Variants in PPP2R2B observed in about 807,000 individuals in gnomAD.
The protein encoded by PPP2R2B is serine/threonine-protein phosphatase 2A 55 kDa regulatory subunit B beta isoform.
PPP2R2B carries 5 observed loss-of-function variants against 46.0 expected under a neutral mutation model. The observed-to-expected ratio is 0.11, with a 90% CI of 0.06 to 0.23. PPP2R2B has a LOEUF of 0.23. Ranked by LOEUF, PPP2R2B falls within the 10% of genes least tolerant of loss-of-function variation. The pLI is 1.00. For synonymous variants in PPP2R2B, 215 were observed against 206.7 expected (o/e 1.04, Z -0.34); for missense variants, 367 against 575.0 (o/e 0.64, Z 3.70).
At chr5:146,954,128 C>CTTT (rs3062371) in intron 1 of PPP2R2B, among the ~76,000 whole-genome samples, 1 of 144,048 alleles carries the variant, frequency 6.9e-6, no homozygotes, top group African/African-American at 2.6e-5. Context: ...TACCAAGAGA[C>CTTT]TTTTTTTTTT....
At chr5:147,049,116 G>GTT (rs1554088781) in intron 1 of PPP2R2B, among the ~76,000 whole-genome samples, 1 of 151,024 alleles carries the variant, frequency 6.6e-6, no homozygotes, top group Non-Finnish European at 1.5e-5. Flanking sequence ...GTGTGTGTGT[G>GTT]TGTGTGTGAG....
At chr5:146,656,272 G>A (rs977896240) in intron 5 of PPP2R2B, 1 of 152,542 alleles carries the variant, frequency 6.6e-6, no homozygotes, top group African/African-American at 2.4e-5. Context: ...AAGTGAGAGG[G>A]GGAGCCATGC....
chr5:146,990,047 A>G (rs180915046), intron 1 of PPP2R2B, among the ~76,000 whole-genome samples: 51 of 150,950 alleles, frequency 3.4e-4, no homozygotes, highest in African/African-American at 1.2e-3. Context: ...TATCTCTACA[A>G]TTAAAACCAT....
intron 1 of PPP2R2B, among the ~76,000 whole-genome samples, chr5:147,019,083 C>T (rs971843750): frequency 1.8e-4 from 27 of 152,260 alleles, no homozygotes; most frequent in African/African-American, 4.8e-4. Context: ...CGAAGTGTTT[C>T]ATTTGCAAAA....
At chr5:146,911,240 T>C (rs61636626) in intron 1 of PPP2R2B, among the ~76,000 whole-genome samples, 3,915 of 152,144 alleles carry the variant, frequency 0.026, 151 homozygotes, top group African/African-American at 0.071. Context: ...CACACCACCA[T>C]GTCCGGCTAA....
chr5:146,736,764 G>T (rs1752562932), intron 2 of PPP2R2B, among the ~76,000 whole-genome samples: 1 of 152,148 alleles, frequency 6.6e-6, no homozygotes, highest in South Asian at 2.1e-4. Flanking sequence ...GGGCACAAAA[G>T]CAGGATTGCA....
rs917025435 is a variant in PPP2R2B, at chr5:146,688,033, T to C, written c.447+3095A>G. ...TCAGCTCATTCTCTGTTTGGAGTCATTGTTCTGAATCTAGTCTTCAGGGTT... is the reference window on the plus strand; with the variant it reads ...TCAGCTCATTCTCTGTTTGGAGTCACTGTTCTGAATCTAGTCTTCAGGGTT... On this transcript the variant is annotated intron_variant, in intron 5 of 9. Transcript: ENST00000394411. Among the ~76,000 whole-genome samples the C allele has an allele frequency of 7.9e-5, 12 of 152,174 alleles. 1 individual carries two copies. The highest frequency in any genetic ancestry group is 2.7e-4 in the African/African-American group (11 of 41,430).
chr5:146,899,479 T>A (rs1374794834), intron 1 of PPP2R2B, among the ~76,000 whole-genome samples: 1 of 81,910 alleles, frequency 1.2e-5, no homozygotes, highest in Non-Finnish European at 2.3e-5. Context: ...TGTTGTGGGG[T>A]GGGGGGAGGG....
At chr5:147,049,058 CAG>C (rs140001744) in intron 1 of PPP2R2B, among the ~76,000 whole-genome samples, 6 of 148,782 alleles carry the variant, frequency 4.0e-5, no homozygotes, top group Admixed American at 2.7e-4. Context: ...AGAGGAGAGG[CAG>C]AGAGAGAGAG....
chr5:146,725,050 T>C (rs1413602402), intron 2 of PPP2R2B, among the ~76,000 whole-genome samples: 1 of 136,728 alleles, frequency 7.3e-6, no homozygotes, highest in East Asian at 1.9e-4. Flanking sequence ...ATTAATGCGA[T>C]CAATAATTCA....
At chr5:146,760,113 T>A (rs1181371950) in intron 2 of PPP2R2B, among the ~76,000 whole-genome samples, 1 of 152,210 alleles carries the variant, frequency 6.6e-6, no homozygotes. Flanking sequence ...TAGCACAGCA[T>A]GTAACACACA....
chr5:146,737,243 T>G (rs1752587960), intron 2 of PPP2R2B, among the ~76,000 whole-genome samples: 1 of 152,238 alleles, frequency 6.6e-6, no homozygotes, highest in African/African-American at 2.4e-5. Context: ...AAGTGCCTTC[T>G]AGGCATATAG....
chr5:146,883,084 C>T (rs1183537287), upstream of PPP2R2B, among the ~76,000 whole-genome samples: 9 of 152,204 alleles, frequency 5.9e-5, no homozygotes, highest in Admixed American at 2.6e-4. Flanking sequence ...AAACCTTTGA[C>T]CTAAGCCAGT....
At chr5:147,068,819 G>A (rs1019672623) in intron 2 of PPP2R2B, among the ~76,000 whole-genome samples, 62 of 152,034 alleles carry the variant, frequency 4.1e-4, no homozygotes, top group African/African-American at 1.5e-3. Flanking sequence ...AATATCATTG[G>A]TATAGACCTG....
intron 1 of PPP2R2B, among the ~76,000 whole-genome samples, chr5:146,921,755 A>G (rs1763616270): frequency 6.6e-6 from 1 of 152,132 alleles, no homozygotes; most frequent in Admixed American, 6.6e-5. Context: ...CATTACCTGT[A>G]CACATTCCAC....
At chr5:146,812,235 G>A (rs569303970) in intron 2 of PPP2R2B, among the ~76,000 whole-genome samples, 1 of 151,792 alleles carries the variant, frequency 6.6e-6, no homozygotes, top group African/African-American at 2.4e-5. Flanking sequence ...CCAAATATAT[G>A]TGAAACAGCT....
chr5:146,799,538 G>T lies in PPP2R2B; in HGVS notation c.70+78464C>A, dbSNP rs990090473. On this transcript the variant is annotated intron_variant, in intron 2 of 9. Transcript: ENST00000394411. ...TGCACAATGGCATGGTGCCAATCTA[G>T]CCTGAGACAACACATGTCCACTCAT... 2.0e-5 allele frequency among the ~76,000 whole-genome samples: 3 copies of T among 152,296 alleles called. No individual in the cohort carries two copies. In the East Asian group the frequency reaches 5.8e-4, roughly 29 times the overall value.
In PPP2R2B at chr5:146,767,400, CA is replaced by C. The variant is rs548616268; in HGVS notation, c.71-66259del. Among the ~76,000 whole-genome samples the C allele has an allele frequency of 1.4e-4, 22 of 152,234 alleles. No homozygotes were observed. The South Asian group carries it at 4.4e-3, about 30-fold the overall frequency. ...ATTCCTAAGACTGTCACTGACTCTG[CA>C]GCTGGTTCTTCCGTGGTATAGAGTG... On this transcript the variant is annotated intron_variant, in intron 2 of 9. Coordinates refer to ENST00000394411, the MANE Select transcript of PPP2R2B (RefSeq NM_181675.4).
intron 6 of PPP2R2B, among the ~76,000 whole-genome samples, chr5:146,649,228 A>T (rs2151092224): frequency 6.6e-6 from 1 of 151,192 alleles, no homozygotes; most frequent in East Asian, 2.0e-4. Context: ...GGAAGAGAAA[A>T]CTCCATATTG....
Sources: gnomAD v4.1 joint callset for allele counts (sites outside exome capture counted in the v4.1 genomes callset) on GRCh38, gnomAD v4.1.1 for gene constraint, MANE v1.5 for transcripts, NCBI Gene and HGNC (gene_info 2026-07-23, HGNC 2026-07-21) for gene names.